The following LMX1A variants were observed in gnomAD, a reference collection of about 807,000 sequenced individuals.
LMX1A encodes LIM homeobox transcription factor 1 alpha, also known as LIM homeobox transcription factor 1-alpha.
LMX1A carries 15 observed loss-of-function variants against 49.1 expected under a neutral mutation model. That is an observed-to-expected ratio of 0.31 (90% CI 0.20 to 0.47). LMX1A has a LOEUF of 0.47. Ranked by LOEUF, LMX1A falls within the 20% of genes least tolerant of loss-of-function variation. The pLI, the probability that LMX1A is intolerant of heterozygous loss-of-function variation, is 1.00. For missense variants in LMX1A, 372 were observed against 475.8 expected (o/e 0.78, Z 2.03); for synonymous variants, 167 against 185.7 (o/e 0.90, Z 0.82).
At chr1:165,277,022 C>T (rs533817007) in intron 3 of LMX1A, among the ~76,000 whole-genome samples, 2 of 152,352 alleles carry the variant, frequency 1.3e-5, no homozygotes, top group East Asian at 3.9e-4. Context: ...TAATTATTAG[C>T]AGCTTCAAGA....
At chr1:165,265,786 G>C (rs1049403803) in intron 3 of LMX1A, among the ~76,000 whole-genome samples, 1 of 152,060 alleles carries the variant, frequency 6.6e-6, no homozygotes, top group African/African-American at 2.4e-5. Context: ...GCATGAGATG[G>C]GCAGAGGAAA....
At position 165,215,019 on chromosome 1, in the gene LMX1A, A is replaced by G. The variant is rs560847348; in HGVS notation, c.497-1206T>C. On this transcript the variant is annotated intron_variant, in intron 4 of 8. Coordinates refer to ENST00000342310, the MANE Select transcript of LMX1A (RefSeq NM_177398.4). Reference sequence around the variant, plus strand: ...AGAGAGACTTCTTTTTACTTTTGGCATTAAAAGCCATAGGCAGGCCGGGTG... The same window carrying G: ...AGAGAGACTTCTTTTTACTTTTGGCGTTAAAAGCCATAGGCAGGCCGGGTG... Among the ~76,000 whole-genome samples, 9 of 152,266 alleles carry G rather than the reference A, an allele frequency of 5.9e-5. No individual in the cohort carries two copies. The South Asian group carries it at 1.9e-3, about 32-fold the overall frequency.
chr1:165,315,086 A>G (rs1655181174), intron 3 of LMX1A, among the ~76,000 whole-genome samples: 1 of 152,228 alleles, frequency 6.6e-6, no homozygotes, highest in Non-Finnish European at 1.5e-5. Context: ...TGACATGTTC[A>G]GCAAGGCACG....
chr1:165,281,079 C>G (rs1355755484), intron 3 of LMX1A, among the ~76,000 whole-genome samples: 2 of 152,162 alleles, frequency 1.3e-5, no homozygotes, highest in Admixed American at 1.3e-4. Context: ...TCCTTGCTAA[C>G]TCTGTGACCT....
chr1:165,244,211 T>C (rs1048818903), intron 4 of LMX1A, among the ~76,000 whole-genome samples: 1 of 152,220 alleles, frequency 6.6e-6, no homozygotes, highest in Admixed American at 6.5e-5. Context: ...CCTTCCCCCA[T>C]ACCTTGCCCT....
intron 3 of LMX1A, among the ~76,000 whole-genome samples, chr1:165,284,169 C>T (rs888028849): frequency 3.9e-5 from 6 of 152,320 alleles, no homozygotes; most frequent in African/African-American, 7.2e-5. Context: ...TTCTCATCTG[C>T]GAGATGACTG....
rs777419035 is a variant in LMX1A, at chr1:165,202,940, A to C, written c.*940T>G. On this transcript the variant is annotated 3_prime_UTR_variant, in exon 9 of 9. Transcript: ENST00000342310. ...TGCTCATGTGTCCTGGGAATGAATT[A>C]AGCCTTGGTGTTTCCCAGTGAGGTA... is the stretch of plus-strand genomic sequence containing the variant. 1.3e-5 allele frequency: 2 copies of C among 152,792 alleles called. No homozygotes were observed. Among genetic ancestry groups the C allele is most frequent in the South Asian group, 4.1e-4 (2 of 4,824 alleles). The allele number at this position is 152,792 out of a possible 1,614,324, so 9.5% of individuals were successfully genotyped here.
intron 3 of LMX1A, among the ~76,000 whole-genome samples, chr1:165,281,746 A>ATGTGTGTGTGTGTGTGTG (rs56913866): frequency 3.2e-5 from 4 of 125,890 alleles, no homozygotes; most frequent in African/African-American, 1.1e-4. Context: ...GTGTGTGTGT[A>ATGTGTGTGTGTGTGTGTG]TGTGTGTGTG....
At chr1:165,275,230 C>A (rs76522315) in intron 3 of LMX1A, among the ~76,000 whole-genome samples, 1 of 152,118 alleles carries the variant, frequency 6.6e-6, no homozygotes, top group Admixed American at 6.5e-5. Flanking sequence ...CCGACAGCCC[C>A]GAGTCCTAGG....
intron 3 of LMX1A, among the ~76,000 whole-genome samples, chr1:165,342,425 A>G (rs1656103771): frequency 6.6e-6 from 1 of 152,194 alleles, no homozygotes; most frequent in East Asian, 1.9e-4. Context: ...TCCCAGGACA[A>G]AAGTCACCAA....
rs1170334954 is a variant in LMX1A at position 165,202,889 on chromosome 1, C to T, written c.*991G>A. On this transcript the variant is annotated 3_prime_UTR_variant, in exon 9 of 9. Transcript: ENST00000342310. Reference sequence around the variant, plus strand: ...GTGAGTGGCCTGGTTGTATCTTAAACAAATATCAGATATTAGTCTCAGCCC... The same window carrying T: ...GTGAGTGGCCTGGTTGTATCTTAAATAAATATCAGATATTAGTCTCAGCCC... 1 of 152,692 alleles carries T rather than the reference C, an allele frequency of 6.5e-6. No individual in the cohort carries two copies. Among genetic ancestry groups the T allele is most frequent in the Non-Finnish European group, 1.5e-5 (1 of 68,082 alleles). 9.5% of individuals were successfully genotyped at this position (152,692 alleles called of 1,614,324 possible).
intron 4 of LMX1A, among the ~76,000 whole-genome samples, chr1:165,233,176 C>T (rs4657414): frequency 0.68 from 103,600 of 152,086 alleles, 37,457 homozygotes; most frequent in Non-Finnish European, 0.8. Flanking sequence ...CAGTTTTGGC[C>T]GGGCACGGCG....
intron 3 of LMX1A, among the ~76,000 whole-genome samples, chr1:165,264,494 G>C (rs1237890466): frequency 6.6e-6 from 1 of 152,108 alleles, no homozygotes; most frequent in Admixed American, 6.5e-5. Context: ...AGTTTGGGGA[G>C]GAATTTTTTA....
At chr1:165,216,889 A>T (rs1489365521) in intron 4 of LMX1A, among the ~76,000 whole-genome samples, 1 of 152,216 alleles carries the variant, frequency 6.6e-6, no homozygotes, top group Non-Finnish European at 1.5e-5. Context: ...CACATTCTCA[A>T]GACTTAATTT....
intron 3 of LMX1A, among the ~76,000 whole-genome samples, chr1:165,338,212 G>A (rs1475319151): frequency 6.6e-6 from 1 of 152,168 alleles, no homozygotes; most frequent in Non-Finnish European, 1.5e-5. Flanking sequence ...TCCACAGCAT[G>A]TGACTTTATT....
intron 4 of LMX1A, among the ~76,000 whole-genome samples, chr1:165,221,253 A>G (rs1651957507): frequency 6.6e-6 from 1 of 152,038 alleles, no homozygotes; most frequent in Admixed American, 6.6e-5. Context: ...GTTATTAAAG[A>G]GTGAAGAAAG....
intron 3 of LMX1A, among the ~76,000 whole-genome samples, chr1:165,326,025 GTTGGA>G (rs5778441): frequency 0.87 from 131,379 of 151,762 alleles, 57,552 homozygotes; most frequent in East Asian, 0.94. Flanking sequence ...GCACTGCCCT[GTTGGA>G]GGAAGCAATA....
chr1:165,244,041 G>A (rs981051614), intron 4 of LMX1A, among the ~76,000 whole-genome samples: 3 of 152,184 alleles, frequency 2.0e-5, no homozygotes, highest in African/African-American at 7.2e-5. Flanking sequence ...GAGGCTGAAG[G>A]TTGAGCTGAC....
At chr1:165,249,208 T>C (rs1652963357) in intron 4 of LMX1A, among the ~76,000 whole-genome samples, 200 bp downstream of exon 4, 2 of 152,334 alleles carry the variant, frequency 1.3e-5, no homozygotes, top group Non-Finnish European at 2.9e-5. Context: ...TAATTTGTTA[T>C]GCACCATTGT....
Sources: allele counts gnomAD v4.1 joint callset (sites outside exome capture counted in the v4.1 genomes callset), GRCh38; gene constraint gnomAD v4.1.1; transcripts MANE v1.5; gene names NCBI Gene and HGNC (gene_info 2026-07-23, HGNC 2026-07-21).